PAQR7: variants seen among roughly 807,000 people sequenced by gnomAD.
PAQR7 encodes the protein membrane progestin receptor alpha.
In PAQR7, 14 loss-of-function variants were observed where a neutral mutation model predicts 24.6. The ratio of observed to expected loss-of-function variants is 0.57; its 90% CI spans 0.38 to 0.89. The LOEUF is 0.89. Ranked by LOEUF, PAQR7 falls within the 40% of genes least tolerant of loss-of-function variation. The pLI, the probability that PAQR7 is intolerant of heterozygous loss-of-function variation, is 0.00. For missense variants in PAQR7, 351 were observed against 444.0 expected, an observed-to-expected ratio of 0.79 and a Z score of 1.88; for synonymous variants, 189 against 198.8, an observed-to-expected ratio of 0.95 and a Z score of 0.42.
intron 2 of PAQR7, among the ~76,000 whole-genome samples, chr1:25,869,568 T>TAA (rs60600055): frequency 1.5e-5 from 2 of 130,466 alleles, no homozygotes; most frequent in Admixed American, 7.9e-5. Context: ...TGAGACTCTC[T>TAA]AAAAAAAAAA....
At chr1:25,872,832 C>G (rs1461472920) in intron 1 of PAQR7, among the ~76,000 whole-genome samples, 1 of 152,058 alleles carries the variant, frequency 6.6e-6, no homozygotes, top group Non-Finnish European at 1.5e-5. Flanking sequence ...ATATTAATAC[C>G]CTGCCCTCCT....
chr1:25,872,915 T>G (rs2048616861), intron 1 of PAQR7, among the ~76,000 whole-genome samples: 1 of 152,212 alleles, frequency 6.6e-6, no homozygotes, highest in Non-Finnish European at 1.5e-5. Context: ...CTCTTTTGCC[T>G]CCTTCTTGGC....
At chr1:25,870,455 C>T (rs2048594648) in intron 2 of PAQR7, among the ~76,000 whole-genome samples, 154 bp downstream of exon 2, 2 of 152,130 alleles carry the variant, frequency 1.3e-5, no homozygotes, top group Admixed American at 1.3e-4. Flanking sequence ...CCTCCCACAC[C>T]TCTCCTCCCC....
intron 2 of PAQR7, among the ~76,000 whole-genome samples, chr1:25,866,915 TAGAC>T (rs1463298793): frequency 1.3e-5 from 2 of 152,154 alleles, no homozygotes; most frequent in Non-Finnish European, 1.5e-5. Context: ...GTATTTTTAG[TAGAC>T]AGGGTTTCAC....
At position 25,875,621 on chromosome 1, in the gene PAQR7, C is replaced by T. The variant is rs905201279; in HGVS notation, c.-242G>A. Among the ~76,000 whole-genome samples the T allele has an allele frequency of 2.0e-5, 3 of 151,082 alleles. No homozygotes were observed. Among genetic ancestry groups the T allele is most frequent in the Admixed American group, 2.0e-4 (3 of 15,208 alleles). ...CCTCGGGCGCTCTGGCTACAGCCGC[C>T]TCCGCGGGCCCAGGCGACGCCGAGC... On this transcript the variant is annotated 5_prime_UTR_variant, in exon 1 of 3. Transcript: ENST00000675840. This position sits in a 1 kb window ranked among gnomAD's most constrained non-coding sequence, Gnocchi z 5.4.
rs2048529838 is a variant in PAQR7, at chr1:25,863,513, G to A, written c.327C>T (p.Ile109=). The A allele has an allele frequency of 6.2e-7, 1 of 1,614,214 alleles. No homozygotes were observed. The highest frequency in any genetic ancestry group is 1.7e-5 in the Admixed American group (1 of 60,030). The change falls in exon 3 of 3, where the codon ATC becomes ATT. Residue 109 remains isoleucine (I), a synonymous_variant. Transcript: ENST00000675840. This position sits in a 1 kb window ranked among gnomAD's most constrained non-coding sequence, Gnocchi z 6.1. ...WGDPHALPLF[I]IVLASFTYLS... is the part of the protein sequence containing the mutation. ...GGTAGGTGAAAGAGGCAAGGACAAT[G>A]ATGAAGAGGGGCAGGGCGTGTGGGT...
chr1:25,865,073 G>A (rs1467098314), intron 2 of PAQR7, among the ~76,000 whole-genome samples: 5 of 150,652 alleles, frequency 3.3e-5, no homozygotes, highest in Non-Finnish European at 7.4e-5. Flanking sequence ...GGAGAATGGC[G>A]TGAACCCAGG....
chr1:25,872,422 C>T (rs72664012), intron 1 of PAQR7, among the ~76,000 whole-genome samples: 2,242 of 152,220 alleles, frequency 0.015, 33 homozygotes, highest in Non-Finnish European at 0.025. Flanking sequence ...CCAGGCGCTG[C>T]AGCTTCCTCA....
intron 2 of PAQR7, among the ~76,000 whole-genome samples, chr1:25,865,591 T>C (rs1356560384): frequency 6.6e-6 from 1 of 151,864 alleles, no homozygotes; most frequent in Admixed American, 6.6e-5. Context: ...GGGCGGATCA[T>C]GAGGTCAGGA....
In PAQR7 at chr1:25,863,868, G is replaced by A. The variant is rs1192111807; in HGVS notation, c.-22-7C>T. ...TGTGGGCCTGGGCAGGGAGCTGGGA[G>A]AGAGACCAGAGCAAAGTCAGGGGCC... is the stretch of plus-strand genomic sequence containing the variant. On this transcript the variant is annotated splice_region_variant and splice_polypyrimidine_tract_variant and intron_variant, in intron 2 of 2. Coordinates refer to ENST00000675840, the MANE Select transcript of PAQR7 (RefSeq NM_178422.6). This position sits in a 1 kb window ranked among gnomAD's most constrained non-coding sequence, Gnocchi z 6.1. 1 of 1,582,354 alleles carries A rather than the reference G, an allele frequency of 6.3e-7. No individual in the cohort carries two copies. Among genetic ancestry groups the A allele is most frequent in the East Asian group, 2.2e-5 (1 of 44,550 alleles).
Position 25,863,413 on chromosome 1 carries a change from A to G in PAQR7, c.427T>C (p.Tyr143His), listed in dbSNP as rs2048528829. Residue 143 changes from tyrosine (Y) to histidine (H), a missense_variant, in exon 3 of 3, where the codon TAT becomes CAT. Coordinates refer to ENST00000675840, the MANE Select transcript of PAQR7 (RefSeq NM_178422.6). The surrounding 1 kb of genome is among the most constrained non-coding windows in gnomAD (Gnocchi z 6.1). ...AACTGGTACACGGCCACCCCCACATAGTCCAGGAAGAAGAAGCTGTAATGC... is the reference window on the plus strand; with the variant it reads ...AACTGGTACACGGCCACCCCCACATGGTCCAGGAAGAAGAAGCTGTAATGC... ...FWHYSFFFLDYVGVAVYQFGS... is the reference protein window; with the variant it reads ...FWHYSFFFLDHVGVAVYQFGS... The G allele has an allele frequency of 6.2e-7, 1 of 1,614,212 alleles. No individual in the cohort carries two copies. The highest frequency in any genetic ancestry group is 8.5e-7 in the Non-Finnish European group (1 of 1,180,030).
intron 2 of PAQR7, among the ~76,000 whole-genome samples, chr1:25,864,588 G>A (rs944324585): frequency 3.3e-5 from 5 of 152,132 alleles, no homozygotes; most frequent in South Asian, 2.1e-4. Flanking sequence ...CTAGGCATGC[G>A]GCCTCACTCC....
At chr1:25,864,020 T>C (rs2048536682) in intron 2 of PAQR7, among the ~76,000 whole-genome samples, 159 bp from the exon 3 acceptor site, 1 of 152,170 alleles carries the variant, frequency 6.6e-6, no homozygotes, top group African/African-American at 2.4e-5. Flanking sequence ...GAATTCCTCA[T>C]CTCTGACCTC....
At chr1:25,869,920 T>C (rs1033743249) in intron 2 of PAQR7, among the ~76,000 whole-genome samples, 1 of 152,144 alleles carries the variant, frequency 6.6e-6, no homozygotes, top group Non-Finnish European at 1.5e-5. Context: ...CCAGATATAA[T>C]GGGCCCTATG....
At chr1:25,868,213 G>A (rs905925241) in intron 2 of PAQR7, among the ~76,000 whole-genome samples, 3 of 152,190 alleles carry the variant, frequency 2.0e-5, no homozygotes, top group African/African-American at 7.2e-5. Context: ...TAGGAAAGCA[G>A]AGCCCAGAAA....
Position 25,862,583 on chromosome 1 carries a change from A to G in PAQR7, c.*216T>C. On this transcript the variant is annotated 3_prime_UTR_variant, in exon 3 of 3. Transcript: ENST00000675840. ...TTAACTCTTTCCCTCTCCCTGGGCAAGGAGCTGGGGCAGGCCCAGGAGTGG... is the reference window on the plus strand; with the variant it reads ...TTAACTCTTTCCCTCTCCCTGGGCAGGGAGCTGGGGCAGGCCCAGGAGTGG... 3.5e-6 allele frequency: 2 copies of G among 573,842 alleles called. No individual in the cohort carries two copies. Among genetic ancestry groups the G allele is most frequent in the Non-Finnish European group, 6.1e-6 (2 of 327,810 alleles). 35.5% of individuals were successfully genotyped at this position (573,842 alleles called of 1,614,324 possible). A position where few individuals can be genotyped will look rare whatever the true frequency, so the allele number is the denominator to read the frequency against.
At chr1:25,864,010 G>A (rs1252161073) in intron 2 of PAQR7, 149 bp from the exon 3 acceptor site, 2 of 639,446 alleles carry the variant, frequency 3.1e-6, no homozygotes, top group Non-Finnish European at 5.3e-6. Context: ...TCATCCTATG[G>A]AATTCCTCAT....
intron 2 of PAQR7, among the ~76,000 whole-genome samples, chr1:25,865,174 A>AAAC (rs74362220): frequency 3.5e-4 from 53 of 150,394 alleles, no homozygotes; most frequent in Admixed American, 1.3e-3. Flanking sequence ...CAAACAAAAA[A>AAAC]ACATTTCTTC....
intron 2 of PAQR7, among the ~76,000 whole-genome samples, chr1:25,867,270 A>C (rs771379537): frequency 5.9e-5 from 9 of 152,020 alleles, no homozygotes; most frequent in South Asian, 2.1e-4. Context: ...TCCTGGCCTC[A>C]AGCGACCCTC....
Sources: gnomAD v4.1 joint callset for allele counts (sites outside exome capture counted in the v4.1 genomes callset) on GRCh38, gnomAD v4.1.1 for gene constraint, Gnocchi (gnomAD v3.1) non-coding constraint, MANE v1.5 for transcripts, NCBI Gene and HGNC (gene_info 2026-07-23, HGNC 2026-07-21) for gene names.